Variants in GPCPD1 observed in about 807,000 individuals in gnomAD.
The protein encoded by GPCPD1 is glycerophosphocholine phosphodiesterase 1.
A neutral mutation model predicts 89.2 loss-of-function variants in GPCPD1; 29 were observed. The observed-to-expected ratio is 0.33, with a 90% CI of 0.24 to 0.44. The LOEUF (loss-of-function observed/expected upper bound fraction) is 0.44. GPCPD1 is among the 20% of genes least tolerant of loss of function. The pLI is 1.00. For synonymous variants in GPCPD1, 258 were observed against 266.3 expected (o/e 0.97, Z 0.30); for missense variants, 594 against 808.9 (o/e 0.73, Z 3.22).
intron 1 of GPCPD1, among the ~76,000 whole-genome samples, chr20:5,605,241 G>A (rs1980499681): frequency 6.6e-6 from 1 of 152,156 alleles, no homozygotes; most frequent in African/African-American, 2.4e-5. Flanking sequence ...AGATTCTTTT[G>A]CTACATACTT....
chr20:5,554,197 G>A (rs1239438209), intron 19 of GPCPD1, among the ~76,000 whole-genome samples: 1 of 141,272 alleles, frequency 7.1e-6, no homozygotes, highest in Non-Finnish European at 1.5e-5. Context: ...TGTTAGCCAG[G>A]ATGGTCTCCA....
At chr20:5,598,203 A>G (rs1317468310) in intron 3 of GPCPD1, among the ~76,000 whole-genome samples, 1 of 151,962 alleles carries the variant, frequency 6.6e-6, no homozygotes, top group Non-Finnish European at 1.5e-5. Flanking sequence ...ACAAACAAAC[A>G]AAAAAGTAAT....
rs1978290072 is a variant in GPCPD1, at chr20:5,576,719, CA to C, written c.706-742del. On this transcript the variant is annotated intron_variant, in intron 8 of 19. Transcript: ENST00000379019. ...AACATATTCTCTAAAAATGTTTCTA[CA>C]CAAGTGTCACATGGGATAGGAACTC... Among the ~76,000 whole-genome samples the C allele has an allele frequency of 3.3e-5, 5 of 152,176 alleles. 1 individual carries two copies. The South Asian group carries it at 1.0e-3, about 32-fold the overall frequency.
chr20:5,562,086 T>C (rs1986116263), intron 15 of GPCPD1, among the ~76,000 whole-genome samples: 1 of 152,212 alleles, frequency 6.6e-6, no homozygotes, highest in Non-Finnish European at 1.5e-5. Flanking sequence ...ACAAATGCTA[T>C]CAGTGTATCT....
intron 18 of GPCPD1, 51 bp downstream of exon 18, chr20:5,558,633 C>A: frequency 1.8e-6 from 2 of 1,142,446 alleles, no homozygotes; most frequent in Non-Finnish European, 2.5e-6. Flanking sequence ...TACTACTACT[C>A]CAAAATAGAA....
chr20:5,585,929 A>G, intron 5 of GPCPD1: 1 of 331,234 alleles, frequency 3.0e-6, no homozygotes, highest in East Asian at 5.0e-5. Flanking sequence ...AACCATTCCA[A>G]ATGAAAGTGA....
intron 19 of GPCPD1, chr20:5,548,983 TA>T: frequency 2.2e-6 from 2 of 906,608 alleles, no homozygotes; most frequent in South Asian, 1.4e-5. Context: ...TTAAAAAAGA[TA>T]AAAGCAAAAC....
At chr20:5,551,844 T>C (rs1480040064) in intron 19 of GPCPD1, among the ~76,000 whole-genome samples, 2 of 152,194 alleles carry the variant, frequency 1.3e-5, no homozygotes, top group Non-Finnish European at 2.9e-5. Flanking sequence ...AAATGATATG[T>C]AGCAGTTGAG....
intron 5 of GPCPD1, chr20:5,584,790 A>C (rs1978799788): frequency 6.5e-6 from 1 of 153,010 alleles, no homozygotes; most frequent in Admixed American, 6.5e-5. Context: ...TAAAAGCTTT[A>C]CGAACAGCGT....
chr20:5,566,644 C>G, intron 14 of GPCPD1, 89 bp downstream of exon 14: 1 of 778,344 alleles, frequency 1.3e-6, no homozygotes, highest in South Asian at 1.4e-5. Flanking sequence ...TAAAAATGAC[C>G]AAGTATCAAG....
intron 2 of GPCPD1, among the ~76,000 whole-genome samples, chr20:5,602,145 T>C (rs999728743): frequency 6.6e-6 from 1 of 152,210 alleles, no homozygotes; most frequent in African/African-American, 2.4e-5. Context: ...GATGGGGGAA[T>C]TGAGGTGGGG....
intron 6 of GPCPD1, among the ~76,000 whole-genome samples, chr20:5,583,954 ATTAT>A (rs1376970451): frequency 6.6e-6 from 1 of 152,232 alleles, no homozygotes; most frequent in African/African-American, 2.4e-5. Flanking sequence ...TTAGAAACTA[ATTAT>A]TTAACAGTAG....
At chr20:5,571,760 T>G (rs1194059188) in intron 11 of GPCPD1, among the ~76,000 whole-genome samples, 1 of 152,002 alleles carries the variant, frequency 6.6e-6, no homozygotes, top group Middle Eastern at 3.2e-3. Flanking sequence ...ATTACAAAAA[T>G]TAGCTGGGCA....
intron 13 of GPCPD1, 68 bp downstream of exon 13, chr20:5,567,415 C>T: frequency 1.3e-6 from 2 of 1,493,828 alleles, no homozygotes; most frequent in Non-Finnish European, 8.9e-7. Context: ...GAGAACATAA[C>T]CATATACAAG....
At chr20:5,607,114 T>C (rs896502325) in intron 1 of GPCPD1, among the ~76,000 whole-genome samples, 7 of 151,334 alleles carry the variant, frequency 4.6e-5, no homozygotes, top group African/African-American at 1.7e-4. Context: ...TGGTGAAACT[T>C]TGTCTCTACT....
chr20:5,584,261 A>T lies in GPCPD1; in HGVS notation c.349+20T>A, dbSNP rs755377399. The T allele has an allele frequency of 8.5e-6, 10 of 1,172,486 alleles. No individual in the cohort carries two copies. The highest frequency in any genetic ancestry group is 1.3e-5 in the Non-Finnish European group (10 of 785,166). 72.6% of individuals were successfully genotyped at this position (1,172,486 alleles called of 1,614,324 possible). A position where few individuals can be genotyped will look rare whatever the true frequency, so the allele number is the denominator to read the frequency against. On this transcript the variant is annotated intron_variant, in intron 6 of 19. Transcript: ENST00000379019. The stretch of plus-strand genomic sequence containing the variant: ...TCTCAATCATTTCAGTAAACATTTA[A>T]GTAAGTCAGTCTCACTTACTGTGGA...
chr20:5,567,495 G>C lies in GPCPD1; in HGVS notation c.1215C>G (p.Leu405=). ...IPVKELTFDQ[L]QLLKLTHVTA... is the part of the protein sequence containing the mutation. ...TTATTATTACTACCTTTAACAACTGGAGTTGGTCAAATGTTAATTCTTTTA... is the reference window on the plus strand; with the variant it reads ...TTATTATTACTACCTTTAACAACTGCAGTTGGTCAAATGTTAATTCTTTTA... The change falls in exon 13 of 20, where the codon CTC becomes CTG. Residue 405 remains leucine (L), a synonymous_variant. Transcript: ENST00000379019. 2 of 1,566,850 alleles carry C rather than the reference G, an allele frequency of 1.3e-6. No homozygotes were observed. The highest frequency in any genetic ancestry group is 8.6e-7 in the Non-Finnish European group (1 of 1,164,026).
intron 6 of GPCPD1, among the ~76,000 whole-genome samples, chr20:5,581,195 A>G (rs1302481762): frequency 6.6e-6 from 1 of 152,174 alleles, no homozygotes; most frequent in Non-Finnish European, 1.5e-5. Flanking sequence ...ACACTGTAAT[A>G]ATACATTGAG....
chr20:5,552,604 T>C (rs1320143129), intron 19 of GPCPD1, among the ~76,000 whole-genome samples: 1 of 152,238 alleles, frequency 6.6e-6, no homozygotes, highest in African/African-American at 2.4e-5. Flanking sequence ...CATATAACCA[T>C]ATACATTCAA....
Sources: allele counts gnomAD v4.1 joint callset (sites outside exome capture counted in the v4.1 genomes callset), GRCh38; gene constraint gnomAD v4.1.1; transcripts MANE v1.5; gene names NCBI Gene and HGNC (gene_info 2026-07-23, HGNC 2026-07-21).